The following CCDC191 variants were observed in gnomAD, a reference collection of about 807,000 sequenced individuals.
CCDC191 encodes coiled-coil domain-containing protein 191.
Under a neutral mutation model 114.0 loss-of-function variants are expected in CCDC191, and 99 were observed. The ratio of observed to expected loss-of-function variants is 0.87; its 90% CI spans 0.74 to 1.03. The LOEUF is 1.03. Ranked by LOEUF, CCDC191 falls within the 50% of genes least tolerant of loss-of-function variation. The pLI is 0.00. For missense variants in CCDC191, 973 were observed against 1,087.0 expected (o/e 0.90, Z 1.47); for synonymous variants, 351 against 376.0 (o/e 0.93, Z 0.77).
At chr3:114,029,793 G>GA (rs2076378312) in intron 7 of CCDC191, among the ~76,000 whole-genome samples, 2 of 151,744 alleles carry the variant, frequency 1.3e-5, no homozygotes, top group African/African-American at 2.4e-5. Flanking sequence ...GCAAGGGGGA[G>GA]AAAACATAAA....
intron 16 of CCDC191, among the ~76,000 whole-genome samples, chr3:113,967,108 AAAAAAAG>A (rs1940262016): frequency 1.5e-5 from 1 of 64,692 alleles, no homozygotes; most frequent in South Asian, 6.8e-4. Context: ...TCAAAAAAAG[AAAAAAAG>A]AAAAAAAGAA....
At chr3:113,982,742 C>T (rs180898739) in intron 13 of CCDC191, among the ~76,000 whole-genome samples, 2 of 151,958 alleles carry the variant, frequency 1.3e-5, no homozygotes, top group Admixed American at 1.3e-4. Flanking sequence ...CCTGCTTACC[C>T]ACTCCTGTGA....
intron 9 of CCDC191, chr3:114,006,175 G>T (rs1007945758): frequency 6.4e-5 from 41 of 644,142 alleles, no homozygotes; most frequent in Non-Finnish European, 1.0e-4. Context: ...GTGGCCGGCT[G>T]TGGTGGCTCA....
chr3:114,056,590 G>A (rs2076789045), upstream of CCDC191: 4 of 1,589,394 alleles, frequency 2.5e-6, no homozygotes, highest in African/African-American at 2.7e-5. Context: ...ATAGGACACC[G>A]TCGAACCACC....
rs1052272049 is a variant in CCDC191, at chr3:113,989,237, C to G, written c.2164-8444G>C. On this transcript the variant is annotated intron_variant, in intron 13 of 16. Coordinates refer to ENST00000295878, the MANE Select transcript of CCDC191 (RefSeq NM_020817.2). ...GTCCTCTCTCAATAACTGATAGAAG[C>G]AGGCACAAAATCAGTAAGAATACAG... 7.5e-4 allele frequency among the ~76,000 whole-genome samples: 114 copies of G among 152,126 alleles called. 1 individual carries two copies. The highest frequency in any genetic ancestry group is 2.6e-3 in the African/African-American group (109 of 41,428).
chr3:113,980,899 G>T, intron 13 of CCDC191, 106 bp from the exon 14 acceptor site: 1 of 1,033,930 alleles, frequency 9.7e-7, no homozygotes, highest in Non-Finnish European at 1.4e-6. Context: ...TGAATGGTGT[G>T]TTAATCATGA....
rs759399168 is a variant in CCDC191 at position 114,031,638 on chromosome 3, T to C, written c.960A>G (p.Lys320=). The change falls in exon 7 of 17, where the codon AAA becomes AAG. Residue 320 remains lysine, a synonymous_variant. Coordinates refer to ENST00000295878, the MANE Select transcript of CCDC191 (RefSeq NM_020817.2). The part of the protein sequence containing the change: ...KLKEVLIQTF[K]ENQQCQKRYF... ...TTGCAATTCCCACCTGTTGATTTTC[T>C]TTGAAAGTTTGGATTAATACTTCTT... 5.0e-6 allele frequency: 8 copies of C among 1,610,558 alleles called. No individual in the cohort carries two copies. In the Admixed American group the frequency reaches 1.3e-4, roughly 27 times the overall value.
At chr3:113,987,619 AAACT>A (rs1490533270) in intron 13 of CCDC191, among the ~76,000 whole-genome samples, 1 of 152,204 alleles carries the variant, frequency 6.6e-6, no homozygotes, top group Non-Finnish European at 1.5e-5. Flanking sequence ...CGCTTGTCTC[AAACT>A]ACTGGACTCA....
rs768842813 is a variant in CCDC191 at position 114,010,803 on chromosome 3, G to A, written c.1382C>T (p.Ala461Val). 1 of 1,613,484 alleles carries A rather than the reference G, an allele frequency of 6.2e-7. No individual in the cohort carries two copies. The highest frequency in any genetic ancestry group is 1.3e-5 in the African/African-American group (1 of 74,914). The change falls in exon 9 of 17, where the codon GCC (alanine) becomes GTC (valine). Residue 461 changes from alanine to valine, a missense_variant. Transcript: ENST00000295878. Reference sequence around the variant, plus strand: ...ATTTTTTACTGGTGGACCCACCATGGCTGTTGCCTCCTCAGGTAGACTGAT... The same window carrying A: ...ATTTTTTACTGGTGGACCCACCATGACTGTTGCCTCCTCAGGTAGACTGAT... ...SGISLPEEATAMVGPPVKNGQ... is the reference protein window; with the variant it reads ...SGISLPEEATVMVGPPVKNGQ...
In CCDC191 at chr3:113,985,758, T is replaced by C. The variant is rs560907832; in HGVS notation, c.2164-4965A>G. On this transcript the variant is annotated intron_variant, in intron 13 of 16. Coordinates refer to ENST00000295878, the MANE Select transcript of CCDC191 (RefSeq NM_020817.2). ...AGTCACTAGAAGACATTAAAGTCTC[T>C]GATGTCTACAGCATACAGCAACAAA... Among the ~76,000 whole-genome samples the C allele has an allele frequency of 4.6e-5, 7 of 152,306 alleles. No individual in the cohort carries two copies. In the East Asian group the frequency reaches 1.2e-3, roughly 25 times the overall value.
chr3:113,975,513 GTTA>G (rs1278430610), intron 16 of CCDC191, among the ~76,000 whole-genome samples: 1 of 152,242 alleles, frequency 6.6e-6, no homozygotes, highest in African/African-American at 2.4e-5. Context: ...TATTTACTGT[GTTA>G]CCTATGTACT....
intron 7 of CCDC191, among the ~76,000 whole-genome samples, chr3:114,028,441 A>G (rs2076356754): frequency 6.6e-6 from 1 of 151,834 alleles, no homozygotes; most frequent in African/African-American, 2.4e-5. Flanking sequence ...GCCCGCCACC[A>G]TGCCTGGCTA....
intron 13 of CCDC191, among the ~76,000 whole-genome samples, chr3:113,993,258 C>T (rs1023222866): frequency 2.0e-5 from 3 of 151,838 alleles, no homozygotes; most frequent in Non-Finnish European, 4.4e-5. Context: ...ATAGTGACAC[C>T]CAGACTCTAT....
intron 4 of CCDC191, 27 bp from the exon 5 acceptor site, chr3:114,036,813 G>T: frequency 2.1e-6 from 3 of 1,452,018 alleles, no homozygotes; most frequent in South Asian, 1.5e-5. Context: ...AACAAAAAAG[G>T]GAATTTTTTT....
At chr3:114,007,576 C>T (rs1373121918) in intron 9 of CCDC191, among the ~76,000 whole-genome samples, 2 of 152,160 alleles carry the variant, frequency 1.3e-5, no homozygotes, top group African/African-American at 4.8e-5. Context: ...ATTAACCTAG[C>T]AAGACTGTGT....
rs565378936 is a variant in CCDC191 at position 114,001,482 on chromosome 3, T to G, written c.2163+113A>C. 1.7e-5 allele frequency: 24 copies of G among 1,378,182 alleles called. No individual in the cohort carries two copies. The African/African-American group carries it at 3.3e-4, about 19-fold the overall frequency. 85.4% of individuals were successfully genotyped at this position (1,378,182 alleles called of 1,614,324 possible). On this transcript the variant is annotated intron_variant, in intron 13 of 16. Transcript: ENST00000295878. ...GTAAGATAGAGAAAAGAAGTGAGGG[T>G]GAGAGAAGAGTATTCCAGATAGAAG...
intron 14 of CCDC191, 119 bp from the exon 15 acceptor site, chr3:113,979,129 G>A: frequency 1.1e-6 from 1 of 876,924 alleles, no homozygotes; most frequent in South Asian, 1.6e-5. Flanking sequence ...AGAATAATCT[G>A]AAGGTACATG....
intron 12 of CCDC191, 111 bp downstream of exon 12, chr3:114,002,345 T>C (rs1444266325): frequency 7.0e-6 from 5 of 715,640 alleles, no homozygotes; most frequent in East Asian, 3.0e-5. Flanking sequence ...ATTTCCAAAG[T>C]TGATGTAACT....
At chr3:114,003,979 G>A in intron 11 of CCDC191, 1 of 985,392 alleles carries the variant, frequency 1.0e-6, no homozygotes, top group South Asian at 4.7e-5. Flanking sequence ...GTTTAAATAA[G>A]GGTTTCTGGC....
Sources: allele counts gnomAD v4.1 joint callset (sites outside exome capture counted in the v4.1 genomes callset), GRCh38; gene constraint gnomAD v4.1.1; transcripts MANE v1.5; gene names NCBI Gene and HGNC (gene_info 2026-07-23, HGNC 2026-07-21).